Variants in SLC14A2 observed in about 807,000 individuals in gnomAD.
SLC14A2 encodes the protein solute carrier family 14 member 2, also known as urea transporter 2.
SLC14A2 carries 91 observed loss-of-function variants against 104.6 expected under a neutral mutation model. That is an observed-to-expected ratio of 0.87 (90% CI 0.73 to 1.04). SLC14A2 has a LOEUF of 1.04. Among genes scored for constraint, SLC14A2 ranks in the 50% least tolerant of loss-of-function variants. The pLI, the probability that SLC14A2 is intolerant of heterozygous loss-of-function variation, is 0.00. For missense variants in SLC14A2, 1,189 were observed against 1,156.0 expected (o/e 1.03, Z -0.41); for synonymous variants, 476 against 466.4 (o/e 1.02, Z -0.27).
chr18:45,549,893 T>C (rs752624591), intron 2 of SLC14A2: 2 of 152,178 alleles, frequency 1.3e-5, no homozygotes, highest in Non-Finnish European at 2.9e-5. Flanking sequence ...CTAAAGGAGT[T>C]TTAAAAATTG....
chr18:45,574,569 C>T (rs1475585998), intron 2 of SLC14A2, among the ~76,000 whole-genome samples: 1 of 152,194 alleles, frequency 6.6e-6, no homozygotes, highest in Non-Finnish European at 1.5e-5. Flanking sequence ...CTGCCTCTGC[C>T]CTTTGCACAG....
intron 2 of SLC14A2, among the ~76,000 whole-genome samples, chr18:45,521,593 A>AT (rs1304607876): frequency 2.6e-5 from 4 of 152,068 alleles, no homozygotes; most frequent in South Asian, 2.1e-4. Context: ...TTCCTTTTTC[A>AT]TTTTTTTTCT....
Position 45,643,317 on chromosome 18 carries a change from T to C in SLC14A2, c.1176+136T>C, listed in dbSNP as rs116215361. On this transcript the variant is annotated intron_variant, in intron 9 of 19. Transcript: ENST00000255226. ...TGCTCACACGACATCTCTGTTAAGG[T>C]TTATCTAAGGTTGTCCGGAGGAGGA... 210 of 768,366 alleles carry C rather than the reference T, an allele frequency of 2.7e-4. 1 individual carries two copies. The African/African-American group carries it at 3.2e-3, about 12-fold the overall frequency. The allele number at this position is 768,366 out of a possible 1,614,324, so 47.6% of individuals were successfully genotyped here.
chr18:45,334,209 T>A (rs192172903), intron 1 of SLC14A2, among the ~76,000 whole-genome samples: 2 of 152,326 alleles, frequency 1.3e-5, no homozygotes, highest in Admixed American at 6.5e-5. Flanking sequence ...TGCCCTTTAT[T>A]GTAAGTGGAA....
At chr18:45,414,757 A>AAAT (rs1360051908) in intron 1 of SLC14A2, among the ~76,000 whole-genome samples, 6 of 76,108 alleles carry the variant, frequency 7.9e-5, no homozygotes, top group East Asian at 3.8e-4. Flanking sequence ...AAAAAAAAAA[A>AAAT]ATATATATAT....
chr18:45,345,298 T>TA (rs2085436572), intron 1 of SLC14A2, among the ~76,000 whole-genome samples: 1 of 152,240 alleles, frequency 6.6e-6, no homozygotes, highest in African/African-American at 2.4e-5. Context: ...TCATGCATTT[T>TA]AAAATACATT....
chr18:45,215,974 C>T (rs10502859), intron 1 of SLC14A2, among the ~76,000 whole-genome samples: 1 of 152,152 alleles, frequency 6.6e-6, no homozygotes, highest in Admixed American at 6.5e-5. Flanking sequence ...CTATTGAGTA[C>T]ATAACATGAA....
chr18:45,522,864 C>G (rs1217655535), intron 2 of SLC14A2, among the ~76,000 whole-genome samples: 1 of 152,146 alleles, frequency 6.6e-6, no homozygotes, highest in East Asian at 1.9e-4. Context: ...TTGCCTTGGG[C>G]AATAGAAGTC....
intron 1 of SLC14A2, among the ~76,000 whole-genome samples, chr18:45,419,569 A>T (rs2086317714): frequency 2.0e-5 from 3 of 152,132 alleles, no homozygotes; most frequent in African/African-American, 7.2e-5. Context: ...AGGTCAGGAG[A>T]TCGAGACCAG....
chr18:45,392,191 A>T (rs1426860066), intron 1 of SLC14A2, among the ~76,000 whole-genome samples: 1 of 152,084 alleles, frequency 6.6e-6, no homozygotes, highest in African/African-American at 2.4e-5. Context: ...CACTCAAACT[A>T]CCCAAGGCCA....
chr18:45,424,279 T>A (rs912572777), intron 1 of SLC14A2: 1 of 152,224 alleles, frequency 6.6e-6, no homozygotes, highest in Non-Finnish European at 1.5e-5. Context: ...GCTACATGAC[T>A]TTTCGGAGCC....
chr18:45,491,501 A>T (rs1216075839), intron 2 of SLC14A2, among the ~76,000 whole-genome samples: 1 of 152,232 alleles, frequency 6.6e-6, no homozygotes, highest in Admixed American at 6.5e-5. Context: ...AAGGATAAAA[A>T]GGGTGCGATA....
chr18:45,589,303 GA>G (rs1298169190), intron 2 of SLC14A2, among the ~76,000 whole-genome samples: 1 of 151,154 alleles, frequency 6.6e-6, no homozygotes, highest in African/African-American at 2.4e-5. Flanking sequence ...AGCTGGAAAG[GA>G]AAAAAAGCTG....
chr18:45,618,696 A>AAAAAAAAAG (rs1555714274), intron 1 of SLC14A2, among the ~76,000 whole-genome samples: 2 of 144,384 alleles, frequency 1.4e-5, no homozygotes, highest in African/African-American at 5.5e-5. Context: ...AAAAAAAAAA[A>AAAAAAAAAG]AAGAAGTAGT....
chr18:45,268,224 A>G (rs2084612109), intron 1 of SLC14A2, among the ~76,000 whole-genome samples: 1 of 152,206 alleles, frequency 6.6e-6, no homozygotes. Flanking sequence ...ATATGTGTTG[A>G]TAAACTATGG....
intron 1 of SLC14A2, among the ~76,000 whole-genome samples, chr18:45,415,930 G>A (rs1426165001): frequency 6.6e-6 from 1 of 152,150 alleles, no homozygotes; most frequent in Non-Finnish European, 1.5e-5. Flanking sequence ...CTGTCCTGAT[G>A]TGCTGTCAAC....
intron 1 of SLC14A2, among the ~76,000 whole-genome samples, chr18:45,290,319 T>C (rs1599647343): frequency 6.6e-6 from 1 of 152,296 alleles, no homozygotes; most frequent in South Asian, 2.1e-4. Flanking sequence ...TTTATGCCCA[T>C]GTCATTGCAA....
At chr18:45,370,404 T>C (rs987949603) in intron 1 of SLC14A2, among the ~76,000 whole-genome samples, 3 of 152,128 alleles carry the variant, frequency 2.0e-5, no homozygotes, top group Non-Finnish European at 4.4e-5. Context: ...GCTGGTGAGC[T>C]CAGAGGCCTG....
chr18:45,657,427 C>T (rs2045855481), intron 10 of SLC14A2, among the ~76,000 whole-genome samples: 2 of 144,250 alleles, frequency 1.4e-5, no homozygotes, highest in South Asian at 4.3e-4. Flanking sequence ...GCGGAGGTTG[C>T]AGTGAGCCGA....
Sources: gnomAD v4.1 joint callset for allele counts (sites outside exome capture counted in the v4.1 genomes callset) on GRCh38, gnomAD v4.1.1 for gene constraint, MANE v1.5 for transcripts, NCBI Gene and HGNC (gene_info 2026-07-23, HGNC 2026-07-21) for gene names.